Variants in EIF3H observed in about 807,000 individuals in gnomAD.
EIF3H encodes the protein eIF-3-gamma.
Under a neutral mutation model 44.2 loss-of-function variants are expected in EIF3H, and 26 were observed. The observed-to-expected ratio is 0.59, with a 90% CI of 0.43 to 0.82. The LOEUF (loss-of-function observed/expected upper bound fraction) is 0.82. Among genes scored for constraint, EIF3H ranks in the 40% least tolerant of loss-of-function variants. The pLI is 0.00. For synonymous variants in EIF3H, 166 were observed against 151.9 expected, an observed-to-expected ratio of 1.09 and a Z score of -0.68; for missense variants, 359 against 432.8, an observed-to-expected ratio of 0.83 and a Z score of 1.51.
upstream of EIF3H, among the ~76,000 whole-genome samples, chr8:116,759,308 G>C (rs987289053): frequency 1.3e-5 from 2 of 152,190 alleles, no homozygotes; most frequent in Non-Finnish European, 2.9e-5. Flanking sequence ...AGCTGTGGGC[G>C]CTGCCCATGT....
At chr8:116,737,385 G>T (rs1815060026) in intron 1 of EIF3H, 1 of 401,340 alleles carries the variant, frequency 2.5e-6, no homozygotes, top group Non-Finnish European at 4.8e-6. Flanking sequence ...GCTGGGCGCA[G>T]TGGCTTGTGC....
At chr8:116,761,418 A>G (rs1312556147) in intron 1 of EIF3H, among the ~76,000 whole-genome samples, 1 of 152,176 alleles carries the variant, frequency 6.6e-6, no homozygotes, top group African/African-American at 2.4e-5. Flanking sequence ...AGGCTGAGGC[A>G]AGAGAATCGC....
chr8:116,765,294 G>C (rs1174988370), intron 1 of EIF3H, among the ~76,000 whole-genome samples: 1 of 152,164 alleles, frequency 6.6e-6, no homozygotes, highest in Non-Finnish European at 1.5e-5. Flanking sequence ...TCTAAGTGAT[G>C]TGCTGGGACT....
chr8:116,721,636 G>T (rs1814748169), intron 2 of EIF3H, among the ~76,000 whole-genome samples: 1 of 152,186 alleles, frequency 6.6e-6, no homozygotes, highest in South Asian at 2.1e-4. Flanking sequence ...ATGCCACAGG[G>T]GCAGAGCTGC....
intron 2 of EIF3H, among the ~76,000 whole-genome samples, chr8:116,719,026 CAG>C (rs1200237266): frequency 6.6e-6 from 1 of 151,926 alleles, no homozygotes; most frequent in African/African-American, 2.4e-5. Flanking sequence ...AAAATGAAGA[CAG>C]AAATAATTAT....
rs1301822295 is a variant in EIF3H at position 116,642,985 on chromosome 8, CT to C, written c.*2020del. 6.6e-6 allele frequency: 1 copy of C among 152,210 alleles called. No homozygotes were observed. The highest frequency in any genetic ancestry group is 6.5e-5 in the Admixed American group (1 of 15,284). 9.4% of individuals were successfully genotyped at this position (152,210 alleles called of 1,614,324 possible). On this transcript the variant is annotated 3_prime_UTR_variant, in exon 8 of 8. Transcript: ENST00000521861. ...CACCTTTAAAAACATATTGAATTGA[CT>C]CAGTTAAATTACTCTTAATCCTAAA...
rs560296365 is a variant in EIF3H, at chr8:116,678,236, C to A, written c.290-19256G>T. Among the ~76,000 whole-genome samples the A allele has an allele frequency of 6.6e-5, 10 of 152,188 alleles. No homozygotes were observed. In the East Asian group the frequency reaches 1.9e-3, roughly 29 times the overall value. ...TCTCCAGCTCCTAACTGCGAGTGAT[C>A]CGCCAGCCTCGGCCTCCCGAGGTGC... On this transcript the variant is annotated intron_variant, in intron 2 of 7. Coordinates refer to ENST00000521861, the MANE Select transcript of EIF3H (RefSeq NM_003756.3).
chr8:116,760,033 C>A (rs1586500969), upstream of EIF3H, among the ~76,000 whole-genome samples: 1 of 152,134 alleles, frequency 6.6e-6, no homozygotes, highest in East Asian at 1.9e-4. Context: ...GCTCAGCCTG[C>A]CAATTTAAAT....
chr8:116,689,288 G>A, intron 2 of EIF3H: 1 of 283,084 alleles, frequency 3.5e-6, no homozygotes, highest in Admixed American at 4.8e-5. Context: ...AAGGGTGATG[G>A]GGTTTCTCTT....
chr8:116,732,698 G>A (rs1814971950), intron 1 of EIF3H, among the ~76,000 whole-genome samples: 1 of 151,890 alleles, frequency 6.6e-6, no homozygotes, highest in Non-Finnish European at 1.5e-5. Flanking sequence ...TATTTACTGA[G>A]TGACTTTTCA....
chr8:116,756,475 T>A (rs1815451385), upstream of EIF3H, among the ~76,000 whole-genome samples: 1 of 152,234 alleles, frequency 6.6e-6, no homozygotes, highest in Admixed American at 6.5e-5. Context: ...TACTCTGAAA[T>A]ACACATCTCA....
chr8:116,646,200 T>C (rs1476324599), intron 7 of EIF3H, among the ~76,000 whole-genome samples: 1 of 152,168 alleles, frequency 6.6e-6, no homozygotes. Context: ...TTTCTGGGTT[T>C]CCATGAAAAA....
rs1226125209 is a variant in EIF3H, at chr8:116,752,739, A to AG, written c.132+2926_132+2927insC. Among the ~76,000 whole-genome samples, 139 of 113,100 alleles carry AG rather than the reference A, an allele frequency of 1.2e-3. 3 individuals carry two copies. Among genetic ancestry groups the AG allele is most frequent in the African/African-American group, 2.2e-3 (67 of 30,078 alleles). The allele number at this position is 113,100 out of a possible 152,430, so 74.2% of individuals were successfully genotyped here. On this transcript the variant is annotated intron_variant, in intron 1 of 7. Transcript: ENST00000521861. ...AAGAAAGAAAGAAAGAAAGAAGAGAAAGAAAGAAAGAAAGAGGGAGGGAGG... is the reference window on the plus strand; with the variant it reads ...AAGAAAGAAAGAAAGAAAGAAGAGAAGAGAAAGAAAGAAAGAGGGAGGGAGG...
chr8:116,711,688 TAC>T (rs1814573625), intron 2 of EIF3H, among the ~76,000 whole-genome samples: 1 of 152,222 alleles, frequency 6.6e-6, no homozygotes, highest in Non-Finnish European at 1.5e-5. Flanking sequence ...AACTTGGAGA[TAC>T]ACAGTTACGT....
chr8:116,730,694 C>T (rs1814937070), intron 1 of EIF3H, among the ~76,000 whole-genome samples: 1 of 152,278 alleles, frequency 6.6e-6, no homozygotes, highest in East Asian at 1.9e-4. Flanking sequence ...TGTTTCCCCT[C>T]GTGAATGTTC....
chr8:116,740,830 A>T (rs1056040857), intron 1 of EIF3H, among the ~76,000 whole-genome samples: 3 of 152,106 alleles, frequency 2.0e-5, no homozygotes, highest in East Asian at 1.9e-4. Flanking sequence ...CAGAATCCAA[A>T]ACAAAGTTTG....
At chr8:116,657,375 A>G in intron 3 of EIF3H, 61 bp from the exon 4 acceptor site, 2 of 1,286,680 alleles carry the variant, frequency 1.6e-6, no homozygotes, top group Non-Finnish European at 2.3e-6. Flanking sequence ...CTTGAATGGC[A>G]TTGGTTCTAG....
chr8:116,681,497 T>C (rs964330934), intron 2 of EIF3H, among the ~76,000 whole-genome samples: 1 of 151,460 alleles, frequency 6.6e-6, no homozygotes, highest in South Asian at 2.1e-4. Context: ...AGAAACCCCA[T>C]CTCTACTAAA....
At chr8:116,729,363 A>G (rs925450097) in intron 1 of EIF3H, among the ~76,000 whole-genome samples, 1 of 152,208 alleles carries the variant, frequency 6.6e-6, no homozygotes, top group Non-Finnish European at 1.5e-5. Context: ...AAAAATTAAT[A>G]TATTTTAAAA....
Sources: allele counts gnomAD v4.1 joint callset (sites outside exome capture counted in the v4.1 genomes callset), GRCh38; gene constraint gnomAD v4.1.1; transcripts MANE v1.5; gene names NCBI Gene and HGNC (gene_info 2026-07-23, HGNC 2026-07-21).